Variants in TEX19 observed in about 807,000 individuals in gnomAD.
The protein encoded by TEX19 is testis expressed 19, also known as testis-expressed protein 19.
For missense variants in TEX19, 184 were observed against 194.4 expected (o/e 0.95, Z 0.32); for synonymous variants, 77 against 73.9 (o/e 1.04, Z -0.21).
At chr17:82,360,540 TCAGTTTCCCC>T (rs1334196565) in intron 1 of TEX19, among the ~76,000 whole-genome samples, 35 of 65,402 alleles carry the variant, frequency 5.4e-4, no homozygotes, top group Admixed American at 1.2e-3. Flanking sequence ...CCAGTTTCCC[TCAGTTTCCCC>T]CAGTTTCCCT....
chr17:82,360,706 GTTCCCTCAGT>G (rs1416985187), intron 1 of TEX19, among the ~76,000 whole-genome samples: 4 of 107,024 alleles, frequency 3.7e-5, no homozygotes, highest in African/African-American at 1.6e-4. Context: ...TTTCCCTCAG[GTTCCCTCAGT>G]TTCCCTCAAG....
At position 82,362,064 on chromosome 17, in the gene TEX19, G is replaced by T; in HGVS notation, c.-87G>T. 2.7e-6 allele frequency: 4 copies of T among 1,500,826 alleles called. No individual in the cohort carries two copies. Among genetic ancestry groups the T allele is most frequent in the Non-Finnish European group, 3.6e-6 (4 of 1,124,966 alleles). 93.0% of individuals were successfully genotyped at this position (1,500,826 alleles called of 1,614,324 possible). A position where few individuals can be genotyped will look rare whatever the true frequency, so the allele number is the denominator to read the frequency against. The stretch of plus-strand genomic sequence containing the variant: ...ATCCCTGCCGCCCAGCATCCTACTG[G>T]CCTCAGCACCTGTGGCCAGACCGTC... On this transcript the variant is annotated 5_prime_UTR_variant, in exon 2 of 2. Transcript: ENST00000333437. This position sits in a 1 kb window ranked among gnomAD's most constrained non-coding sequence, Gnocchi z 5.5.
chr17:82,360,925 CCAGTTTCCCTCAGGTTCCCT>C, intron 1 of TEX19, among the ~76,000 whole-genome samples: 2 of 133,110 alleles, frequency 1.5e-5, no homozygotes, highest in African/African-American at 5.9e-5. Flanking sequence ...TCAGGTTCCC[CCAGTTTCCCTCAGGTTCCCT>C]CAGTTTCCCT....
chr17:82,362,141 C>G lies in TEX19; in HGVS notation c.-10C>G, dbSNP rs753116053. 1 of 1,591,214 alleles carries G rather than the reference C, an allele frequency of 6.3e-7. No individual in the cohort carries two copies. The highest frequency in any genetic ancestry group is 1.2e-5 in the South Asian group (1 of 86,910). On this transcript the variant is annotated 5_prime_UTR_variant, in exon 2 of 2. Coordinates refer to ENST00000333437, the MANE Select transcript of TEX19 (RefSeq NM_207459.4). The surrounding 1 kb of genome is among the most constrained non-coding windows in gnomAD (Gnocchi z 5.5). ...GCTGTCCACCCCGGCAGTAGGCAGG[C>G]AGCCTGGCCATGTGCCCTCCGGTCA...
At chr17:82,359,508 G>A (rs2143067625) in intron 1 of TEX19, among the ~76,000 whole-genome samples, 1 of 141,066 alleles carries the variant, frequency 7.1e-6, no homozygotes, top group African/African-American at 2.7e-5. Flanking sequence ...GTTTCCCTCA[G>A]TTTCCCTCAG....
chr17:82,362,355 G>A lies in TEX19; in HGVS notation c.205G>A (p.Ala69Thr), dbSNP rs1467122406. 7.4e-6 allele frequency: 12 copies of A among 1,613,612 alleles called. No individual in the cohort carries two copies. In the Admixed American group the frequency reaches 1.2e-4, roughly 16 times the overall value. ...CCCTGAGCTGATGGAGCACACTGAG[G>A]CAGAGTCAGAGCAGGAGGGGTCCTC... is the stretch of plus-strand genomic sequence containing the variant. ...WDPELMEHTE[A>T]ESEQEGSSGM... The change falls in exon 2 of 2, where the codon GCA becomes ACA. Residue 69 changes from alanine to threonine, a missense_variant. Physicochemically the swap from Ala to Thr is moderately conservative, Grantham distance 58 (BLOSUM62 0). Transcript: ENST00000333437. This position sits in a 1 kb window ranked among gnomAD's most constrained non-coding sequence, Gnocchi z 5.5.
chr17:82,359,746 TCCC>T (rs1567852831), intron 1 of TEX19, among the ~76,000 whole-genome samples: 4 of 135,290 alleles, frequency 3.0e-5, no homozygotes, highest in African/African-American at 1.2e-4. Flanking sequence ...TCCCTCAGGT[TCCC>T]TCAGTTTCCC....
At chr17:82,360,039 TTTCCCCCAGG>T (rs2052370150) in intron 1 of TEX19, among the ~76,000 whole-genome samples, 1 of 115,818 alleles carries the variant, frequency 8.6e-6, no homozygotes. Context: ...GTTCCCCCAG[TTTCCCCCAGG>T]TTCCCCCAGT....
At position 82,362,725 on chromosome 17, in the gene TEX19, C is replaced by A. The variant is rs555109507; in HGVS notation, c.*80C>A. ...GGCATTACCTGGGCAGTGGACCCTG[C>A]CGAGGCTGAGGCCTAGTTACTGGCC... On this transcript the variant is annotated 3_prime_UTR_variant, in exon 2 of 2. Transcript: ENST00000333437. This position sits in a 1 kb window ranked among gnomAD's most constrained non-coding sequence, Gnocchi z 5.5. 6.7e-7 allele frequency: 1 copy of A among 1,491,672 alleles called. No individual in the cohort carries two copies. The highest frequency in any genetic ancestry group is 8.9e-7 in the Non-Finnish European group (1 of 1,119,012). 92.4% of individuals were successfully genotyped at this position (1,491,672 alleles called of 1,614,324 possible). A position where few individuals can be genotyped will look rare whatever the true frequency, so the allele number is the denominator to read the frequency against.
At chr17:82,361,827 G>C in intron 1 of TEX19, 53 bp from the exon 2 acceptor site, 1 of 1,079,798 alleles carries the variant, frequency 9.3e-7, no homozygotes, top group African/African-American at 1.6e-5. Flanking sequence ...CCCACAGTTT[G>C]CCCCCACCCT....
chr17:82,362,816 G>C lies in TEX19; in HGVS notation c.*171G>C. The C allele has an allele frequency of 1.2e-6, 1 of 813,488 alleles. No individual in the cohort carries two copies. Among genetic ancestry groups the C allele is most frequent in the South Asian group, 2.6e-5 (1 of 38,246 alleles). The allele number at this position is 813,488 out of a possible 1,614,324, so 50.4% of individuals were successfully genotyped here. On this transcript the variant is annotated 3_prime_UTR_variant, in exon 2 of 2. Transcript: ENST00000333437. This position sits in a 1 kb window ranked among gnomAD's most constrained non-coding sequence, Gnocchi z 5.5. ...ACCTACAGAAGATGACCCCAGACAG[G>C]GCCCTGAGGACCCCAGGGCAGCACT...
Position 82,362,397 on chromosome 17 carries a change from T to C in TEX19, c.247T>C (p.Trp83Arg), listed in dbSNP as rs761225499. 9 of 1,613,030 alleles carry C rather than the reference T, an allele frequency of 5.6e-6. No homozygotes were observed. Among genetic ancestry groups the C allele is most frequent in the African/African-American group, 5.3e-5 (4 of 74,900 alleles). ...QEGSSGMELS[W>R]GQSPGQPVQG... Reference sequence around the variant, plus strand: ...GGGGTCCTCAGGGATGGAGCTGAGCTGGGGGCAGAGCCCAGGACAGCCTGT... The same window carrying C: ...GGGGTCCTCAGGGATGGAGCTGAGCCGGGGGCAGAGCCCAGGACAGCCTGT... Residue 83 changes from tryptophan (W) to arginine (R), a missense_variant, in exon 2 of 2, where the codon TGG becomes CGG. By Grantham distance (101) the Trp-to-Arg change is moderately radical (BLOSUM62 -3). Coordinates refer to ENST00000333437, the MANE Select transcript of TEX19 (RefSeq NM_207459.4). The surrounding 1 kb of genome is among the most constrained non-coding windows in gnomAD (Gnocchi z 5.5).
At chr17:82,360,995 C>CTCAGGTTCCCT (rs2052385749) in intron 1 of TEX19, among the ~76,000 whole-genome samples, 1 of 34,458 alleles carries the variant, frequency 2.9e-5, no homozygotes. Context: ...TCAGTTTTCC[C>CTCAGGTTCCCT]CAGTTTCCCT....
chr17:82,361,560 G>C, intron 1 of TEX19: 2 of 918,500 alleles, frequency 2.2e-6, no homozygotes, highest in African/African-American at 2.0e-5. Flanking sequence ...GTTCCCTCAG[G>C]TTCCCCCAGT....
intron 1 of TEX19, chr17:82,361,594 C>T: frequency 2.0e-6 from 2 of 984,478 alleles, no homozygotes; most frequent in Non-Finnish European, 2.4e-6. Context: ...CCTCAATTTC[C>T]ATCAGGTCCC....
chr17:82,359,465 C>CA (rs2052356656), intron 1 of TEX19, among the ~76,000 whole-genome samples, 180 bp downstream of exon 1: 1 of 144,868 alleles, frequency 6.9e-6, no homozygotes, highest in Non-Finnish European at 1.5e-5. Flanking sequence ...AAATTTCCCT[C>CA]AGTTTCCCTC....
rs2052398621 is a variant in TEX19, at chr17:82,362,020, CCTG to C, written c.-128_-126del. On this transcript the variant is annotated 5_prime_UTR_variant, in exon 2 of 2. Coordinates refer to ENST00000333437, the MANE Select transcript of TEX19 (RefSeq NM_207459.4). The surrounding 1 kb of genome is among the most constrained non-coding windows in gnomAD (Gnocchi z 5.5). ...CCTGGATAGGAAACCCCTTTCTCCT[CCTG>C]CTCCTTGTCCCCTTCATCCCTGCCG... The C allele has an allele frequency of 7.9e-7, 1 of 1,268,494 alleles. No individual in the cohort carries two copies. The highest frequency in any genetic ancestry group is 1.1e-6 in the Non-Finnish European group (1 of 925,096). 78.6% of individuals were successfully genotyped at this position (1,268,494 alleles called of 1,614,324 possible).
chr17:82,361,702 C>T, intron 1 of TEX19, 178 bp from the exon 2 acceptor site: 1 of 985,326 alleles, frequency 1.0e-6, no homozygotes, highest in Non-Finnish European at 1.2e-6. Flanking sequence ...GGCTGATGAG[C>T]CCGGGGAGGT....
At position 82,362,069 on chromosome 17, in the gene TEX19, A is replaced by G; in HGVS notation, c.-82A>G. 1.3e-6 allele frequency: 2 copies of G among 1,518,162 alleles called. No individual in the cohort carries two copies. Among genetic ancestry groups the G allele is most frequent in the East Asian group, 2.3e-5 (1 of 44,296 alleles). 94.0% of individuals were successfully genotyped at this position (1,518,162 alleles called of 1,614,324 possible). On this transcript the variant is annotated 5_prime_UTR_variant, in exon 2 of 2. Coordinates refer to ENST00000333437, the MANE Select transcript of TEX19 (RefSeq NM_207459.4). The surrounding 1 kb of genome is among the most constrained non-coding windows in gnomAD (Gnocchi z 5.5). ...TGCCGCCCAGCATCCTACTGGCCTC[A>G]GCACCTGTGGCCAGACCGTCCAAGA... is the stretch of plus-strand genomic sequence containing the variant.
Sources: allele counts gnomAD v4.1 joint callset (sites outside exome capture counted in the v4.1 genomes callset), GRCh38; gene constraint gnomAD v4.1.1; non-coding constraint Gnocchi (gnomAD v3.1); transcripts MANE v1.5; gene names NCBI Gene and HGNC (gene_info 2026-07-23, HGNC 2026-07-21).